Variants in PHKA2 observed in about 807,000 individuals in gnomAD.
PHKA2 encodes phosphorylase kinase regulatory subunit alpha 2.
PHKA2 carries 31 observed loss-of-function variants against 102.0 expected under a neutral mutation model. The ratio of observed to expected loss-of-function variants is 0.30; its 90% CI spans 0.23 to 0.41. The LOEUF (loss-of-function observed/expected upper bound fraction) is 0.41. Among genes scored for constraint, PHKA2 ranks in the 10% least tolerant of loss-of-function variants. The pLI is 1.00. For synonymous variants in PHKA2, 455 were observed against 416.2 expected (o/e 1.09, Z -1.13); for missense variants, 858 against 1,023.1 (o/e 0.84, Z 2.20).
In PHKA2 at chrX:18,926,579, A is replaced by G. The variant is rs200298889; in HGVS notation, c.1333T>C (p.Leu445=). ...KPDVVVQVTV[L]AENNHIKDLL... ...TCCTTAATGTGATTGTTTTCTGCCA[A>G]AACAGTAACTGTGAACAAGAACACA... Residue 445 remains leucine, a synonymous_variant, in exon 14 of 33, where the codon TTG becomes CTG. Transcript: ENST00000379942. The G allele has an allele frequency of 9.1e-6, 11 of 1,208,526 alleles. No individual in the cohort carries two copies. The highest frequency in any genetic ancestry group is 2.3e-4 in the Middle Eastern group (1 of 4,350).
rs186799229 is a variant in PHKA2 at position 18,928,655 on chromosome X, C to G, written c.1324+573G>C. Reference sequence around the variant, plus strand: ...ACCACAGGCCAGGCACTACACCAAGCGCTTTCCCACTGCAGCCTCAGTACA... The same window carrying G: ...ACCACAGGCCAGGCACTACACCAAGGGCTTTCCCACTGCAGCCTCAGTACA... On this transcript the variant is annotated intron_variant, in intron 13 of 32. Coordinates refer to ENST00000379942, the MANE Select transcript of PHKA2 (RefSeq NM_000292.3). 7.6e-4 allele frequency among the ~76,000 whole-genome samples: 86 copies of G among 112,559 alleles called. 1 individual carries two copies. The highest frequency in any genetic ancestry group is 6.8e-3 in the Admixed American group (73 of 10,700).
chrX:18,978,903 G>A (rs1479356622), intron 1 of PHKA2, among the ~76,000 whole-genome samples: 1 of 110,734 alleles, frequency 9.0e-6, no homozygotes, highest in Non-Finnish European at 1.9e-5. Context: ...ACTTTGGGAG[G>A]CTGAGGCAGG....
Position 18,978,555 on chromosome X carries a change from T to G in PHKA2, c.78+5300A>C, listed in dbSNP as rs1343235295. ...GGTGAAACCCCGTATCTACTAAAAA[T>G]ACAAAAAATTAGCCGGGCGTGGTGG... On this transcript the variant is annotated intron_variant, in intron 1 of 32. Coordinates refer to ENST00000379942, the MANE Select transcript of PHKA2 (RefSeq NM_000292.3). Among the ~76,000 whole-genome samples, 7 of 109,009 alleles carry G rather than the reference T, an allele frequency of 6.4e-5. No homozygotes were observed. In the Admixed American group the frequency reaches 6.9e-4, roughly 11 times the overall value. The allele number at this position is 109,009 out of a possible 115,157, so 94.7% of individuals were successfully genotyped here. A position where few individuals can be genotyped will look rare whatever the true frequency, so the allele number is the denominator to read the frequency against.
In PHKA2 at chrX:18,943,773, A is replaced by C; in HGVS notation, c.654T>G (p.Phe218Leu). Residue 218 changes from phenylalanine (F) to leucine (L), a missense_variant, in exon 7 of 33, where the codon TTT becomes TTG. Coordinates refer to ENST00000379942, the MANE Select transcript of PHKA2 (RefSeq NM_000292.3). Reference sequence around the variant, plus strand: ...CTGACTTGCGTCCTCCATGGGCTCCAAAAAGGTCCAGTTCATCAATTGCCT... The same window carrying C: ...CTGACTTGCGTCCTCCATGGGCTCCCAAAAGGTCCAGTTCATCAATTGCCT... ...ALEAIDELDL[F>L]GAHGGRKSVI... The C allele has an allele frequency of 8.3e-7, 1 of 1,209,741 alleles. No homozygotes were observed.
chrX:18,911,783 C>CT lies in PHKA2; in HGVS notation c.2138-824dup, dbSNP rs758456880. Among the ~76,000 whole-genome samples, 4 of 112,657 alleles carry CT rather than the reference C, an allele frequency of 3.6e-5. No homozygotes were observed. The South Asian group carries it at 1.5e-3, about 42-fold the overall frequency. ...ATCTTGCTTTGAGAACTGGATTTCG[C>CT]TTTTCCCTCCTGGAATTCAGGAAAA... On this transcript the variant is annotated intron_variant, in intron 19 of 32. Transcript: ENST00000379942.
intron 1 of PHKA2, 75 bp downstream of exon 1, chrX:18,983,780 G>T (rs951559367): frequency 1.1e-6 from 1 of 882,627 alleles, no homozygotes; most frequent in Non-Finnish European, 1.7e-6. Flanking sequence ...GTCACAAGAG[G>T]GCCAGACCTG....
At position 18,926,406 on chromosome X, in the gene PHKA2, G is replaced by A. The variant is rs186667006; in HGVS notation, c.1459+47C>T. Reference sequence around the variant, plus strand: ...TCCCTCAGACCCCAAATCTAGAACCGAGATGCCCCCATGCCAAAAAGGCCC... The same window carrying A: ...TCCCTCAGACCCCAAATCTAGAACCAAGATGCCCCCATGCCAAAAAGGCCC... On this transcript the variant is annotated intron_variant, in intron 14 of 32. Coordinates refer to ENST00000379942, the MANE Select transcript of PHKA2 (RefSeq NM_000292.3). The A allele has an allele frequency of 1.2e-4, 131 of 1,087,326 alleles. No individual in the cohort carries two copies. In the African/African-American group the frequency reaches 1.6e-3, roughly 13 times the overall value. The allele number at this position is 1,087,326 out of a possible 1,213,427, so 89.6% of individuals were successfully genotyped here.
intron 19 of PHKA2, chrX:18,915,502 C>T (rs2048004469): frequency 1.9e-5 from 2 of 107,662 alleles, no homozygotes; most frequent in East Asian, 3.0e-4. Context: ...CTCCCAAGTA[C>T]CTGGGATCAC....
intron 30 of PHKA2, chrX:18,895,656 C>A: frequency 7.2e-6 from 1 of 139,590 alleles, no homozygotes; most frequent in Non-Finnish European, 1.4e-5. Context: ...CACATGCACA[C>A]CCATGTATAT....
rs750432096 is a variant in PHKA2, at chrX:18,897,274, G to A, written c.3171C>T (p.His1057=). The A allele has an allele frequency of 8.3e-7, 1 of 1,211,535 alleles. No homozygotes were observed. The highest frequency in any genetic ancestry group is 1.8e-5 in the South Asian group (1 of 56,996). The change falls in exon 30 of 33, where the codon CAC becomes CAT. Residue 1057 remains histidine, a synonymous_variant. Coordinates refer to ENST00000379942, the MANE Select transcript of PHKA2 (RefSeq NM_000292.3). ...GTSSSDSGGH[H]IGWGERQGQW... ...GGCCCTGCCGCTCACCCCAGCCGAT[G>A]TGATGTCCTCCCGAGTCTGAGGATG...
chrX:18,968,238 A>T (rs767174325), intron 1 of PHKA2, among the ~76,000 whole-genome samples: 6 of 111,764 alleles, frequency 5.4e-5, no homozygotes, highest in Admixed American at 3.8e-4. Context: ...ACAAAAAATT[A>T]AAAAAATTTT....
intron 32 of PHKA2, among the ~76,000 whole-genome samples, chrX:18,893,900 T>G (rs2047479143): frequency 8.9e-6 from 1 of 112,351 alleles, no homozygotes; most frequent in Non-Finnish European, 1.9e-5. Context: ...CTCCTGACTA[T>G]AATGAGGACT....
chrX:18,894,926 T>TGAGTC (rs1175245868), intron 31 of PHKA2: 6 of 452,014 alleles, frequency 1.3e-5, no homozygotes, highest in Middle Eastern at 4.9e-4. Flanking sequence ...CCAGAAATGC[T>TGAGTC]GAGTCTCAGG....
intron 22 of PHKA2, 119 bp downstream of exon 22, chrX:18,907,781 G>T: frequency 1.3e-6 from 1 of 794,981 alleles, no homozygotes; most frequent in Non-Finnish European, 1.9e-6. Context: ...CGCTCCACCT[G>T]TGGGTTAAAG....
chrX:18,970,297 G>C (rs965588822), intron 1 of PHKA2, among the ~76,000 whole-genome samples: 2 of 112,274 alleles, frequency 1.8e-5, no homozygotes, highest in Non-Finnish European at 3.8e-5. Context: ...TTGTGGCATG[G>C]CTAAATTGAA....
chrX:18,980,813 C>A (rs779468779), intron 1 of PHKA2, among the ~76,000 whole-genome samples: 1 of 111,843 alleles, frequency 8.9e-6, no homozygotes, highest in South Asian at 3.8e-4. Flanking sequence ...TCCCACTCGA[C>A]GAGAAATACC....
intron 1 of PHKA2, among the ~76,000 whole-genome samples, chrX:18,976,109 G>C (rs1468959002): frequency 9.3e-6 from 1 of 107,341 alleles, no homozygotes; most frequent in Non-Finnish European, 1.9e-5. Flanking sequence ...CGAGTAGCTA[G>C]GATTACAGGT....
At chrX:18,928,012 T>C (rs2048241853) in intron 13 of PHKA2, among the ~76,000 whole-genome samples, 1 of 112,234 alleles carries the variant, frequency 8.9e-6, no homozygotes, top group Non-Finnish European at 1.9e-5. Context: ...CACTGTTCTA[T>C]TAAACAAATG....
At chrX:18,969,278 T>C (rs952653508) in intron 1 of PHKA2, among the ~76,000 whole-genome samples, 16 of 111,530 alleles carry the variant, frequency 1.4e-4, no homozygotes, top group Admixed American at 1.9e-4. Flanking sequence ...ATGACCATAA[T>C]TTGACAACCT....
Sources: allele counts gnomAD v4.1 joint callset (sites outside exome capture counted in the v4.1 genomes callset), GRCh38; gene constraint gnomAD v4.1.1; transcripts MANE v1.5; gene names NCBI Gene and HGNC (gene_info 2026-07-23, HGNC 2026-07-21).